Variants in C8orf34 observed in about 807,000 individuals in gnomAD.
The protein encoded by C8orf34 is chromosome 8 open reading frame 34, also known as uncharacterized protein C8orf34.
A neutral mutation model predicts 68.3 loss-of-function variants in C8orf34; 65 were observed. The ratio of observed to expected loss-of-function variants is 0.95; its 90% confidence interval spans 0.78 to 1.17. C8orf34 has a LOEUF of 1.17. Ranked by LOEUF, C8orf34 falls within the 50% of genes most tolerant of loss-of-function variation. The pLI, the probability that C8orf34 is intolerant of heterozygous loss-of-function variation, is 0.00. For synonymous variants in C8orf34, 244 were observed against 241.2 expected, an observed-to-expected ratio of 1.01 and a Z score of -0.11; for missense variants, 664 against 655.4, an observed-to-expected ratio of 1.01 and a Z score of -0.14.
At chr8:68,390,350 T>A (rs1808430630) in intron 1 of C8orf34, among the ~76,000 whole-genome samples, 1 of 152,090 alleles carries the variant, frequency 6.6e-6, no homozygotes, top group African/African-American at 2.4e-5. Flanking sequence ...CTGTTTAAAT[T>A]CACGAAATCT....
chr8:68,344,089 A>G (rs1806183855), intron 1 of C8orf34, among the ~76,000 whole-genome samples: 1 of 152,164 alleles, frequency 6.6e-6, no homozygotes, highest in Non-Finnish European at 1.5e-5. Flanking sequence ...AGAGAAATGA[A>G]GATTTATGTT....
At chr8:68,772,654 TTTTC>T (rs1396258353) in intron 10 of C8orf34, among the ~76,000 whole-genome samples, 3 of 152,072 alleles carry the variant, frequency 2.0e-5, no homozygotes, top group Non-Finnish European at 2.9e-5. Context: ...CAGAAAGGCC[TTTTC>T]TTTCTTTCTT....
At chr8:68,813,060 T>C (rs1824702129) in intron 12 of C8orf34, among the ~76,000 whole-genome samples, 1 of 152,244 alleles carries the variant, frequency 6.6e-6, no homozygotes, top group Non-Finnish European at 1.5e-5. Context: ...TTAGGTGATT[T>C]GTTTTGCTGT....
intron 8 of C8orf34, among the ~76,000 whole-genome samples, chr8:68,677,262 G>A (rs932625376): frequency 1.3e-5 from 2 of 152,132 alleles, no homozygotes; most frequent in African/African-American, 4.8e-5. Context: ...AGAACCTATG[G>A]GATAAAGTGA....
intron 12 of C8orf34, among the ~76,000 whole-genome samples, chr8:68,811,640 A>G (rs1029125533): frequency 6.6e-6 from 1 of 152,218 alleles, no homozygotes; most frequent in Non-Finnish European, 1.5e-5. Flanking sequence ...GAATCATAGC[A>G]TTCCATTTCT....
At chr8:68,456,357 A>C (rs1811553583) in intron 3 of C8orf34, among the ~76,000 whole-genome samples, 1 of 152,190 alleles carries the variant, frequency 6.6e-6, no homozygotes, top group South Asian at 2.1e-4. Context: ...GCCCATTCAA[A>C]AGATTGTGAG....
At chr8:68,540,918 G>A (rs1815678410) in intron 7 of C8orf34, among the ~76,000 whole-genome samples, 1 of 152,068 alleles carries the variant, frequency 6.6e-6, no homozygotes, top group African/African-American at 2.4e-5. Flanking sequence ...ATTTATTGCA[G>A]GAAATTAATT....
chr8:68,565,925 C>A (rs954189300), intron 7 of C8orf34, among the ~76,000 whole-genome samples: 1 of 152,022 alleles, frequency 6.6e-6, no homozygotes, highest in Non-Finnish European at 1.5e-5. Flanking sequence ...AAACAGGAAT[C>A]GCTTGAAGGA....
intron 1 of C8orf34, among the ~76,000 whole-genome samples, chr8:68,407,298 T>A (rs1809243905): frequency 6.6e-6 from 1 of 152,104 alleles, no homozygotes; most frequent in African/African-American, 2.4e-5. Flanking sequence ...GAAGTTCATG[T>A]CTGAAAATAT....
At chr8:68,461,294 A>G (rs1811811156) in intron 3 of C8orf34, among the ~76,000 whole-genome samples, 1 of 152,216 alleles carries the variant, frequency 6.6e-6, no homozygotes, top group Non-Finnish European at 1.5e-5. Context: ...GACTATGTGA[A>G]AAGACCAAAT....
chr8:68,691,338 G>A (rs1232947413), intron 8 of C8orf34, among the ~76,000 whole-genome samples: 1 of 151,882 alleles, frequency 6.6e-6, no homozygotes, highest in Non-Finnish European at 1.5e-5. Context: ...GTACATTTTG[G>A]GGACATAATG....
intron 1 of C8orf34, among the ~76,000 whole-genome samples, chr8:68,401,746 C>G (rs755962753): frequency 2.0e-5 from 3 of 151,896 alleles, no homozygotes; most frequent in Non-Finnish European, 2.9e-5. Flanking sequence ...ATATAAAACC[C>G]ACTTGATCAT....
At chr8:68,669,602 T>G (rs1422684534) in intron 8 of C8orf34, among the ~76,000 whole-genome samples, 4 of 152,214 alleles carry the variant, frequency 2.6e-5, no homozygotes, top group Admixed American at 2.0e-4. Context: ...TGCCAGCAGC[T>G]TTTGCAAGTA....
intron 7 of C8orf34, among the ~76,000 whole-genome samples, chr8:68,586,961 A>C (rs1007060535): frequency 2.0e-5 from 3 of 152,162 alleles, no homozygotes; most frequent in Admixed American, 1.3e-4. Flanking sequence ...GACTAATTGC[A>C]ATACTCTCTA....
chr8:68,330,986 G>T lies in C8orf34; in HGVS notation c.-27G>T, dbSNP rs1268210582. On this transcript the variant is annotated 5_prime_UTR_variant, in exon 1 of 14. Coordinates refer to ENST00000518698, the MANE Select transcript of C8orf34 (RefSeq NM_052958.4). ...CCGGGCGCTGCGGAGAGCGGCGAGG[G>T]TGGGCGCGAGGCGGAGAACGCGATG... is the stretch of plus-strand genomic sequence containing the variant. The T allele has an allele frequency of 2.9e-6, 4 of 1,377,452 alleles. No homozygotes were observed. The highest frequency in any genetic ancestry group is 3.7e-5 in the Admixed American group (1 of 26,850). 85.3% of individuals were successfully genotyped at this position (1,377,452 alleles called of 1,614,324 possible). A position where few individuals can be genotyped will look rare whatever the true frequency, so the allele number is the denominator to read the frequency against.
intron 8 of C8orf34, among the ~76,000 whole-genome samples, chr8:68,641,465 C>T (rs1369227): frequency 1.3e-5 from 2 of 152,022 alleles, no homozygotes; most frequent in African/African-American, 4.8e-5. Flanking sequence ...TAGTGAAAAC[C>T]GCAATGGAAA....
chr8:68,580,297 G>A lies in C8orf34; in HGVS notation c.1105+47148G>A, dbSNP rs1265274951. On this transcript the variant is annotated intron_variant, in intron 7 of 13. Coordinates refer to ENST00000518698, the MANE Select transcript of C8orf34 (RefSeq NM_052958.4). ...AAAAAGAAAAGAAGATGAAGTGAAAGGGGCAGGGGTGAAGGAGATGGGGAG... is the reference window on the plus strand; with the variant it reads ...AAAAAGAAAAGAAGATGAAGTGAAAAGGGCAGGGGTGAAGGAGATGGGGAG... Among the ~76,000 whole-genome samples the A allele has an allele frequency of 2.0e-5, 3 of 152,016 alleles. No homozygotes were observed. In the East Asian group the frequency reaches 5.8e-4, roughly 29 times the overall value.
chr8:68,797,711 C>A (rs2978245), intron 12 of C8orf34, among the ~76,000 whole-genome samples: 77,518 of 151,874 alleles, frequency 0.51, 23,102 homozygotes, highest in African/African-American at 0.84. Context: ...TAGCTAATGA[C>A]GACATGAAAG....
chr8:68,618,195 G>A (rs1818284295), intron 7 of C8orf34, among the ~76,000 whole-genome samples: 1 of 152,056 alleles, frequency 6.6e-6, no homozygotes, highest in Non-Finnish European at 1.5e-5. Context: ...AATTGCAAAA[G>A]TAATGATAAA....
Sources: gnomAD v4.1 joint callset for allele counts (sites outside exome capture counted in the v4.1 genomes callset) on GRCh38, gnomAD v4.1.1 for gene constraint, MANE v1.5 for transcripts, NCBI Gene and HGNC (gene_info 2026-07-23, HGNC 2026-07-21) for gene names.